ZNF674: variants seen among roughly 807,000 people sequenced by gnomAD.
ZNF674 encodes zinc finger family member 674.
In ZNF674, 2 loss-of-function variants were observed where a neutral mutation model predicts 7.0. The ratio of observed to expected loss-of-function variants is 0.29; its 90% CI spans 0.12 to 0.90. ZNF674 has a LOEUF of 0.90. Among genes scored for constraint, ZNF674 ranks in the 40% least tolerant of loss-of-function variants. The probability of loss-of-function intolerance (pLI) is 0.57; values close to 1 mark genes in which losing one functional copy is unlikely to be tolerated. For missense variants in ZNF674, 297 were observed against 415.5 expected (o/e 0.71, Z 2.48); for synonymous variants, 103 against 145.2 (o/e 0.71, Z 2.09).
intron 5 of ZNF674, chrX:46,527,846 T>C (rs1422213421): frequency 7.6e-6 from 1 of 131,805 alleles, no homozygotes; most frequent in Non-Finnish European, 1.5e-5. Context: ...CAAAGCTTTG[T>C]TGCCTATACC....
At chrX:46,539,998 A>G (rs992407236) in intron 3 of ZNF674, among the ~76,000 whole-genome samples, 4 of 111,803 alleles carry the variant, frequency 3.6e-5, no homozygotes, top group African/African-American at 1.3e-4. Flanking sequence ...TAATCCCAGC[A>G]CTCTGGGAGG....
Position 46,528,770 on chromosome X carries a change from C to T in ZNF674, c.142+13G>A, listed in dbSNP as rs917494787. The T allele has an allele frequency of 9.1e-6, 11 of 1,209,650 alleles. No individual in the cohort carries two copies. The East Asian group carries it at 2.4e-4, about 26-fold the overall frequency. Reference sequence around the variant, plus strand: ...GGAGGCATTCTGCATCACCCTGTGGCGCGGTCCCTCACCCACGGACACCAG... The same window carrying T: ...GGAGGCATTCTGCATCACCCTGTGGTGCGGTCCCTCACCCACGGACACCAG... On this transcript the variant is annotated intron_variant, in intron 4 of 5. Coordinates refer to ENST00000683375, the MANE Select transcript of ZNF674 (RefSeq NM_001190417.2).
chrX:46,506,915 C>G (rs1172707117), intron 5 of ZNF674, among the ~76,000 whole-genome samples: 1 of 111,605 alleles, frequency 9.0e-6, no homozygotes, highest in East Asian at 2.8e-4. Flanking sequence ...TGAGGGTAAT[C>G]CACCCAGATG....
At chrX:46,532,234 A>G (rs1359222288) in intron 3 of ZNF674, among the ~76,000 whole-genome samples, 40 of 112,076 alleles carry the variant, frequency 3.6e-4, no homozygotes, top group African/African-American at 1.3e-3. Context: ...AACCTCCTCT[A>G]TTAGGAATCT....
intron 5 of ZNF674, among the ~76,000 whole-genome samples, chrX:46,513,993 A>T (rs1941712766): frequency 9.0e-6 from 1 of 111,592 alleles, no homozygotes; most frequent in Non-Finnish European, 1.9e-5. Flanking sequence ...TGGGCCCAGG[A>T]GGTTGAGGCT....
intron 5 of ZNF674, among the ~76,000 whole-genome samples, chrX:46,518,719 CA>C (rs376915363): frequency 0.32 from 24,479 of 75,568 alleles, 2,846 homozygotes; most frequent in Middle Eastern, 0.5. Context: ...ACTAAAAATA[CA>C]AAAAAAAAAA....
intron 5 of ZNF674, among the ~76,000 whole-genome samples, chrX:46,523,951 G>A (rs954708686): frequency 1.8e-5 from 2 of 109,545 alleles, no homozygotes; most frequent in Admixed American, 9.9e-5. Flanking sequence ...GCTGAAGCAA[G>A]AGAATTGCTC....
intron 5 of ZNF674, among the ~76,000 whole-genome samples, chrX:46,515,827 C>G (rs1350362274): frequency 1.8e-5 from 2 of 110,913 alleles, no homozygotes; most frequent in African/African-American, 3.3e-5. Flanking sequence ...TTAGGCTGGT[C>G]TTGAACTTCT....
intron 5 of ZNF674, 155 bp downstream of exon 5, chrX:46,528,195 C>T (rs1942042360): frequency 3.5e-6 from 2 of 575,544 alleles, no homozygotes; most frequent in Non-Finnish European, 6.0e-6. Context: ...GCAGAAGCCT[C>T]ATTTGGACAT....
chrX:46,523,914 T>G (rs1223246436), intron 5 of ZNF674, among the ~76,000 whole-genome samples: 13 of 109,804 alleles, frequency 1.2e-4, no homozygotes, highest in African/African-American at 4.3e-4. Flanking sequence ...ATGGTGGCGT[T>G]TGCCTGTATT....
At position 46,500,042 on chromosome X, in the gene ZNF674, T is replaced by C; in HGVS notation, c.1532A>G (p.Gln511Arg). The C allele has an allele frequency of 8.3e-7, 1 of 1,211,255 alleles. No homozygotes were observed. ...FSRKSTLIKH[Q>R]RIHTGEKPYK... ...AGGTTTTTCTCCTGTATGAATTCTC[T>C]GATGTTTGATGAGAGTTGACTTCCT... is the stretch of plus-strand genomic sequence containing the variant. The change falls in exon 6 of 6, where the codon CAG becomes CGG. Residue 511 changes from glutamine to arginine, a missense_variant. Gln to Arg is a conservative substitution (Grantham distance 43). Coordinates refer to ENST00000683375, the MANE Select transcript of ZNF674 (RefSeq NM_001190417.2).
intron 5 of ZNF674, among the ~76,000 whole-genome samples, chrX:46,511,780 T>G (rs746201542): frequency 9.0e-6 from 1 of 111,491 alleles, no homozygotes; most frequent in African/African-American, 3.2e-5. Context: ...TCCCAGCACT[T>G]TGGGAGGCCG....
chrX:46,535,331 G>A, intron 3 of ZNF674, among the ~76,000 whole-genome samples: 1 of 109,994 alleles, frequency 9.1e-6, no homozygotes, highest in Middle Eastern at 4.6e-3. Context: ...ATTTTTTGTA[G>A]AGACAAGGTT....
chrX:46,500,555 C>T lies in ZNF674; in HGVS notation c.1019G>A (p.Ser340Asn), dbSNP rs1232793432. The T allele has an allele frequency of 1.7e-6, 2 of 1,209,949 alleles. No individual in the cohort carries two copies. The highest frequency in any genetic ancestry group is 1.7e-5 in the African/African-American group (1 of 57,392). The change falls in exon 6 of 6, where the codon AGC (serine) becomes AAC (asparagine). Residue 340 changes from serine (S) to asparagine (N), a missense_variant. Ser to Asn is a conservative substitution (Grantham distance 46). Transcript: ENST00000683375. ...FYKGIKCTTS[S>N]LIYQRIHTSE... ...TGTGTGAATTCTTTGATATATAAGG[C>T]TGGACGTAGTACATTTAATACCTTT...
rs182436026 is a variant in ZNF674 at position 46,543,400 on chromosome X, A to G, written c.-30+1101T>C. Among the ~76,000 whole-genome samples, 12 of 112,382 alleles carry G rather than the reference A, an allele frequency of 1.1e-4. No individual in the cohort carries two copies. The East Asian group carries it at 3.3e-3, about 31-fold the overall frequency. On this transcript the variant is annotated intron_variant, in intron 2 of 5. Coordinates refer to ENST00000683375, the MANE Select transcript of ZNF674 (RefSeq NM_001190417.2). ...TAAAAAATCACTTCTTATCAAACAG[A>G]GCCCTAGAGGTGAAAAGACACTCTC...
intron 3 of ZNF674, among the ~76,000 whole-genome samples, chrX:46,531,304 G>A (rs778918065): frequency 5.4e-5 from 6 of 111,644 alleles, no homozygotes; most frequent in Admixed American, 4.8e-4. Flanking sequence ...TTCAGTTTCC[G>A]TTAGTTCTGT....
chrX:46,532,784 T>G (rs1349023677), intron 3 of ZNF674, among the ~76,000 whole-genome samples: 1 of 112,151 alleles, frequency 8.9e-6, no homozygotes. Flanking sequence ...CTGGGCCATA[T>G]TGGAAGAATT....
Position 46,523,850 on chromosome X carries a change from C to G in ZNF674, c.238+4500G>C, listed in dbSNP as rs148088263. Among the ~76,000 whole-genome samples the G allele has an allele frequency of 4.6e-3, 513 of 110,969 alleles. 4 individuals are homozygous for G. The highest frequency in any genetic ancestry group is 0.034 in the South Asian group (89 of 2,636). On this transcript the variant is annotated intron_variant, in intron 5 of 5. Coordinates refer to ENST00000683375, the MANE Select transcript of ZNF674 (RefSeq NM_001190417.2). ...CTGACATCAGGAGTCTGAGACCACC[C>G]TGGCCAACATGGTGAAACCCTGTGT...
At chrX:46,518,146 A>G (rs1276182884) in intron 5 of ZNF674, among the ~76,000 whole-genome samples, 2 of 111,611 alleles carry the variant, frequency 1.8e-5, no homozygotes, top group Non-Finnish European at 3.8e-5. Flanking sequence ...AGAGGGAAAC[A>G]TGGAACTTTG....
Sources: allele counts gnomAD v4.1 joint callset (sites outside exome capture counted in the v4.1 genomes callset), GRCh38; gene constraint gnomAD v4.1.1; transcripts MANE v1.5; gene names NCBI Gene and HGNC (gene_info 2026-07-23, HGNC 2026-07-21).